NR2F1-AS1: variants seen among roughly 807,000 people sequenced by gnomAD.
NR2F1-AS1 encodes the protein NR2F1 antisense RNA 1.
At chr5:93,531,042 G>C (rs1489793191) in intron 4 of NR2F1-AS1, among the ~76,000 whole-genome samples, 2 of 152,052 alleles carry the variant, frequency 1.3e-5, no homozygotes, top group African/African-American at 4.8e-5. Context: ...TCAACATCCT[G>C]GCTGGAAGTG....
intron 4 of NR2F1-AS1, among the ~76,000 whole-genome samples, chr5:93,481,009 G>A (rs1458434357): frequency 1.3e-5 from 2 of 151,978 alleles, no homozygotes; most frequent in Non-Finnish European, 2.9e-5. Context: ...GCAAAAATAA[G>A]TTCTTCATGA....
intron 4 of NR2F1-AS1, among the ~76,000 whole-genome samples, chr5:93,520,760 G>A (rs1208057104): frequency 6.6e-6 from 1 of 152,022 alleles, no homozygotes; most frequent in Non-Finnish European, 1.5e-5. Context: ...TGAAAAAACA[G>A]AATAATATAG....
At chr5:93,444,626 C>T (rs6892601) in intron 4 of NR2F1-AS1, among the ~76,000 whole-genome samples, 2,078 of 152,280 alleles carry the variant, frequency 0.014, 53 homozygotes, top group African/African-American at 0.048. Context: ...TCACTGTCAA[C>T]ATTAGACAGA....
chr5:93,553,989 T>C (rs1343389571), intron 3 of NR2F1-AS1: 1 of 152,220 alleles, frequency 6.6e-6, no homozygotes, highest in African/African-American at 2.4e-5. Context: ...GTCACAGAAA[T>C]GTATAAATAC....
chr5:93,537,227 T>C (rs866168247), intron 4 of NR2F1-AS1, among the ~76,000 whole-genome samples: 10 of 152,138 alleles, frequency 6.6e-5, no homozygotes, highest in African/African-American at 2.2e-4. Flanking sequence ...GGGAGATGCT[T>C]ATGGCATTGG....
intron 4 of NR2F1-AS1, among the ~76,000 whole-genome samples, chr5:93,495,053 C>CA (rs1339009004): frequency 2.6e-5 from 4 of 151,590 alleles, no homozygotes; most frequent in African/African-American, 7.3e-5. Flanking sequence ...TTCTACATGA[C>CA]AAAAAAAATC....
At chr5:93,571,725 C>T (rs1752773243) in intron 1 of NR2F1-AS1, among the ~76,000 whole-genome samples, 1 of 146,936 alleles carries the variant, frequency 6.8e-6, no homozygotes, top group South Asian at 2.5e-4. Context: ...TCTCTTTTTG[C>T]TTCCAGAGGG....
intron 4 of NR2F1-AS1, among the ~76,000 whole-genome samples, chr5:93,525,677 T>G (rs1751598293): frequency 6.6e-6 from 1 of 152,110 alleles, no homozygotes; most frequent in Non-Finnish European, 1.5e-5. Context: ...TAGTGCAATC[T>G]AATTAGAACT....
chr5:93,544,585 T>C (rs1420773728), intron 4 of NR2F1-AS1, among the ~76,000 whole-genome samples: 1 of 152,158 alleles, frequency 6.6e-6, no homozygotes, highest in Non-Finnish European at 1.5e-5. Flanking sequence ...ATCTTAAATA[T>C]AAAATTAGAG....
At chr5:93,454,896 C>T (rs983530906) in intron 4 of NR2F1-AS1, among the ~76,000 whole-genome samples, 5 of 152,168 alleles carry the variant, frequency 3.3e-5, no homozygotes, top group African/African-American at 1.2e-4. Context: ...TCCCACACAC[C>T]TTGTCCTACA....
rs185918625 is a variant in NR2F1-AS1, at chr5:93,531,372, A to G, written n.638+22389T>C. On this transcript the variant is annotated intron_variant and non_coding_transcript_variant, in intron 4 of 5. Transcript: ENST00000660523. Reference sequence around the variant, plus strand: ...ATCAGACTTTATGAAGCACATTGGAAAGTCCCATCCTTCCCACCTATGCGT... The same window carrying G: ...ATCAGACTTTATGAAGCACATTGGAGAGTCCCATCCTTCCCACCTATGCGT... Among the ~76,000 whole-genome samples, 200 of 152,262 alleles carry G rather than the reference A, an allele frequency of 1.3e-3. 2 individuals are homozygous for G. Among genetic ancestry groups the G allele is most frequent in the Admixed American group, 0.012 (179 of 15,300 alleles).
At chr5:93,576,455 T>C (rs2149932847) in intron 1 of NR2F1-AS1, among the ~76,000 whole-genome samples, 1 of 152,110 alleles carries the variant, frequency 6.6e-6, no homozygotes, top group East Asian at 1.9e-4. Flanking sequence ...ATTTAAACTT[T>C]AGCTAAACCT....
chr5:93,430,362 C>T (rs1203594805), intron 4 of NR2F1-AS1, among the ~76,000 whole-genome samples: 1 of 152,150 alleles, frequency 6.6e-6, no homozygotes, highest in Non-Finnish European at 1.5e-5. Flanking sequence ...GGCACTTCCG[C>T]CAAGTGAGAG....
chr5:93,470,884 C>A (rs1163313568), intron 4 of NR2F1-AS1, among the ~76,000 whole-genome samples: 1 of 151,728 alleles, frequency 6.6e-6, no homozygotes. Context: ...TTTAATTGCT[C>A]ATTAGAAAAA....
chr5:93,525,494 T>A (rs1016090181), intron 4 of NR2F1-AS1, among the ~76,000 whole-genome samples: 2 of 152,178 alleles, frequency 1.3e-5, no homozygotes, highest in Admixed American at 1.3e-4. Context: ...TGAACTCAGC[T>A]CTGGATAAGT....
At chr5:93,501,541 AC>A (rs1484913521) in intron 4 of NR2F1-AS1, among the ~76,000 whole-genome samples, 10 of 151,800 alleles carry the variant, frequency 6.6e-5, no homozygotes, top group Non-Finnish European at 1.3e-4. Context: ...TTTAGTAGAG[AC>A]TGAGTTTCAC....
At chr5:93,424,068 A>G (rs1749145683) in intron 4 of NR2F1-AS1, among the ~76,000 whole-genome samples, 1 of 152,114 alleles carries the variant, frequency 6.6e-6, no homozygotes, top group Admixed American at 6.5e-5. Context: ...ACCCCTCACT[A>G]TTGCTAGCTG....
At chr5:93,512,873 CGT>C (rs913424361) in intron 4 of NR2F1-AS1, among the ~76,000 whole-genome samples, 4 of 152,056 alleles carry the variant, frequency 2.6e-5, no homozygotes, top group African/African-American at 9.7e-5. Context: ...TGTAGGTTTG[CGT>C]AAGTATACTC....
At chr5:93,533,125 C>T (rs1751767964) in intron 4 of NR2F1-AS1, among the ~76,000 whole-genome samples, 1 of 152,148 alleles carries the variant, frequency 6.6e-6, no homozygotes, top group South Asian at 2.1e-4. Context: ...CCATTATCTC[C>T]AGCATGTTTG....
Sources: allele counts gnomAD v4.1 joint callset (sites outside exome capture counted in the v4.1 genomes callset), GRCh38; gene constraint gnomAD v4.1.1; transcripts MANE v1.5; gene names NCBI Gene and HGNC (gene_info 2026-07-23, HGNC 2026-07-21).